The following PPP1R1C variants were observed in gnomAD, a reference collection of about 807,000 sequenced individuals.
PPP1R1C encodes the protein protein phosphatase 1 regulatory inhibitor subunit 1C.
A neutral mutation model predicts 17.4 loss-of-function variants in PPP1R1C; 15 were observed. The observed-to-expected ratio is 0.86, with a 90% CI of 0.58 to 1.33. The LOEUF is 1.33. Ranked by LOEUF, PPP1R1C falls within the 40% of genes most tolerant of loss-of-function variation. The pLI is 0.00. For missense variants in PPP1R1C, 143 were observed against 130.0 expected, an observed-to-expected ratio of 1.10 and a Z score of -0.48; for synonymous variants, 35 against 43.1, an observed-to-expected ratio of 0.81 and a Z score of 0.73.
chr2:182,038,424 T>C (rs114931437), intron 2 of PPP1R1C, among the ~76,000 whole-genome samples: 1 of 152,356 alleles, frequency 6.6e-6, no homozygotes, highest in African/African-American at 2.4e-5. Context: ...GTTTGCTTCT[T>C]CTGTCTCAAT....
At chr2:182,044,911 G>A (rs1415256480) in intron 2 of PPP1R1C, among the ~76,000 whole-genome samples, 1 of 151,920 alleles carries the variant, frequency 6.6e-6, no homozygotes, top group Non-Finnish European at 1.5e-5. Context: ...ACCATTATGA[G>A]AAAAAAATGG....
chr2:182,029,725 C>T (rs1274502871), intron 2 of PPP1R1C, among the ~76,000 whole-genome samples: 11 of 105,702 alleles, frequency 1.0e-4, no homozygotes, highest in Admixed American at 8.7e-4. Flanking sequence ...ATCTTTGTGG[C>T]GTTCTGTGTA....
intron 2 of PPP1R1C, among the ~76,000 whole-genome samples, chr2:182,004,278 C>G (rs1242652885): frequency 6.6e-6 from 1 of 152,180 alleles, no homozygotes; most frequent in Admixed American, 6.5e-5. Context: ...TCTCATTATT[C>G]TACTCCCTAG....
At chr2:182,102,895 C>T (rs532035413) in intron 4 of PPP1R1C, among the ~76,000 whole-genome samples, 40 of 152,266 alleles carry the variant, frequency 2.6e-4, no homozygotes, top group African/African-American at 9.6e-4. Context: ...GCTCACTGCA[C>T]TCCTGGACTC....
At chr2:181,956,513 C>T (rs572406039) in intron 1 of PPP1R1C, among the ~76,000 whole-genome samples, 27 of 152,336 alleles carry the variant, frequency 1.8e-4, no homozygotes, top group African/African-American at 6.3e-4. Flanking sequence ...CTCCCACCAA[C>T]AGTGTAAAAG....
chr2:181,956,203 C>T (rs1377121921), intron 1 of PPP1R1C, among the ~76,000 whole-genome samples: 1 of 152,194 alleles, frequency 6.6e-6, no homozygotes, highest in Non-Finnish European at 1.5e-5. Flanking sequence ...CCAGCTTCAT[C>T]CATGTCCTTG....
intron 4 of PPP1R1C, among the ~76,000 whole-genome samples, chr2:182,116,861 G>A (rs944381517): frequency 1.2e-3 from 189 of 152,218 alleles, no homozygotes; most frequent in Non-Finnish European, 2.9e-4. Flanking sequence ...ATAGAATTGA[G>A]GGATGCCAAA....
chr2:182,106,868 A>G (rs775245392), intron 4 of PPP1R1C, among the ~76,000 whole-genome samples: 158 of 152,212 alleles, frequency 1.0e-3, no homozygotes, highest in Non-Finnish European at 1.9e-3. Flanking sequence ...GCCAGTGTGC[A>G]TGCTCCCCAT....
chr2:182,078,481 T>C (rs958337062), intron 4 of PPP1R1C, among the ~76,000 whole-genome samples: 5 of 152,198 alleles, frequency 3.3e-5, no homozygotes, highest in African/African-American at 1.2e-4. Flanking sequence ...TAGGGGTCCT[T>C]AAGGTACCTT....
intron 2 of PPP1R1C, among the ~76,000 whole-genome samples, chr2:182,002,804 G>T (rs1245279458): frequency 6.6e-6 from 1 of 151,768 alleles, no homozygotes; most frequent in Non-Finnish European, 1.5e-5. Context: ...TCAAACATTT[G>T]AGAGCAGAAA....
rs183871883 is a variant in PPP1R1C, at chr2:182,052,511, G to A, written c.143-8931G>A. ...CATATCATCCCACACAGCAATGGTA[G>A]TTTTGTGAAATTTAATTCGATTTCG... On this transcript the variant is annotated intron_variant, in intron 2 of 4. Coordinates refer to ENST00000682840, the MANE Select transcript of PPP1R1C (RefSeq NM_001080545.3). Among the ~76,000 whole-genome samples, 3 of 152,170 alleles carry A rather than the reference G, an allele frequency of 2.0e-5. No homozygotes were observed. In the East Asian group the frequency reaches 5.8e-4, roughly 29 times the overall value.
At chr2:181,964,914 C>T (rs952324275) in intron 1 of PPP1R1C, among the ~76,000 whole-genome samples, 1 of 152,178 alleles carries the variant, frequency 6.6e-6, no homozygotes, top group Non-Finnish European at 1.5e-5. Flanking sequence ...CCATGTTGGT[C>T]AGGCTGGTCT....
At chr2:182,025,381 C>G (rs1394439360) in intron 2 of PPP1R1C, among the ~76,000 whole-genome samples, 1 of 139,050 alleles carries the variant, frequency 7.2e-6, no homozygotes, top group Admixed American at 7.4e-5. Context: ...ACCACAGTCC[C>G]CAGAGTGTGA....
intron 2 of PPP1R1C, among the ~76,000 whole-genome samples, chr2:182,009,256 G>C (rs1686018944): frequency 6.6e-6 from 1 of 152,028 alleles, no homozygotes; most frequent in South Asian, 2.1e-4. Flanking sequence ...AGCAGCATGT[G>C]AGGGTTTCCT....
intron 1 of PPP1R1C, among the ~76,000 whole-genome samples, chr2:181,987,189 G>T (rs570524913): frequency 6.6e-6 from 1 of 151,164 alleles, no homozygotes; most frequent in African/African-American, 2.4e-5. Context: ...ACCCATAAAT[G>T]AATATAATAA....
At chr2:182,071,879 G>T (rs936997785) in intron 4 of PPP1R1C, among the ~76,000 whole-genome samples, 4 of 152,102 alleles carry the variant, frequency 2.6e-5, no homozygotes, top group Non-Finnish European at 4.4e-5. Context: ...TCAGGGTGTT[G>T]GTTTGTTTTA....
intron 1 of PPP1R1C, among the ~76,000 whole-genome samples, chr2:181,975,043 G>A (rs1436909249): frequency 6.6e-6 from 1 of 151,990 alleles, no homozygotes; most frequent in African/African-American, 2.4e-5. Context: ...CAATCATATG[G>A]GGTTACAAGG....
chr2:182,037,536 G>T lies in PPP1R1C; in HGVS notation c.143-23906G>T, dbSNP rs186473479. ...TGGGAGGCAGAAGTTGCAGTGAGCC[G>T]AGATCACGCCACTGCACTCCAGCCT... On this transcript the variant is annotated intron_variant, in intron 2 of 4. Coordinates refer to ENST00000682840, the MANE Select transcript of PPP1R1C (RefSeq NM_001080545.3). 8.2e-3 allele frequency among the ~76,000 whole-genome samples: 1,233 copies of T among 150,484 alleles called. 14 individuals carry two copies. Among genetic ancestry groups the T allele is most frequent in the African/African-American group, 0.029 (1,181 of 40,804 alleles).
At chr2:182,010,762 G>T (rs1686066787) in intron 2 of PPP1R1C, among the ~76,000 whole-genome samples, 1 of 151,978 alleles carries the variant, frequency 6.6e-6, no homozygotes, top group South Asian at 2.1e-4. Context: ...TTGTGGATTT[G>T]TCATATATGG....
Sources: allele counts gnomAD v4.1 joint callset (sites outside exome capture counted in the v4.1 genomes callset), GRCh38; gene constraint gnomAD v4.1.1; transcripts MANE v1.5; gene names NCBI Gene and HGNC (gene_info 2026-07-23, HGNC 2026-07-21).